DMC1: variants seen among roughly 807,000 people sequenced by gnomAD.
DMC1 encodes the protein meiotic recombination protein DMC1 homolog.
In DMC1, 27 loss-of-function variants were observed where a neutral mutation model predicts 50.1. The observed-to-expected ratio is 0.54, with a 90% CI of 0.40 to 0.74. The LOEUF (loss-of-function observed/expected upper bound fraction) is 0.74, where lower values mean the gene tolerates loss of function less well. Among genes scored for constraint, DMC1 ranks in the 30% least tolerant of loss-of-function variants. DMC1 has a pLI of 0.00. For synonymous variants in DMC1, 148 were observed against 136.1 expected (o/e 1.09, Z -0.61); for missense variants, 295 against 420.2 (o/e 0.70, Z 2.60).
At chr22:38,551,018 G>A (rs180671051) in intron 7 of DMC1, among the ~76,000 whole-genome samples, 15 of 150,884 alleles carry the variant, frequency 9.9e-5, no homozygotes, top group Admixed American at 2.6e-4. Context: ...CCGAGTGGGC[G>A]GATCATGAGG....
At chr22:38,512,855 G>A in the DMC1 span, among the ~76,000 whole-genome samples, 31 of 152,168 alleles carry the variant, frequency 2.0e-4, no homozygotes, top group Non-Finnish European at 4.1e-4. Flanking sequence ...AGGCCAAGGC[G>A]GGTGGATCAC....
At chr22:38,528,027 C>T (rs1254273571) in intron 12 of DMC1, among the ~76,000 whole-genome samples, 1 of 151,650 alleles carries the variant, frequency 6.6e-6, no homozygotes, top group African/African-American at 2.4e-5. Context: ...AAAGACTTTA[C>T]CTCTTAGGGC....
chr22:38,534,993 T>C (rs2090194646), intron 12 of DMC1, among the ~76,000 whole-genome samples: 1 of 141,806 alleles, frequency 7.1e-6, no homozygotes, highest in Non-Finnish European at 1.5e-5. Context: ...GAAACAAGAG[T>C]GAAACTCCAT....
intron 5 of DMC1, among the ~76,000 whole-genome samples, chr22:38,561,089 A>G (rs894385671): frequency 2.6e-5 from 4 of 151,798 alleles, no homozygotes; most frequent in African/African-American, 9.7e-5. Flanking sequence ...CCTCAACCTC[A>G]ACCTCCTGGG....
At chr22:38,517,313 A>G (rs1006688306), downstream of DMC1, among the ~76,000 whole-genome samples, 14 of 152,202 alleles carry the variant, frequency 9.2e-5, no homozygotes, top group Admixed American at 3.9e-4. Context: ...TCACGCCTGT[A>G]ATCCTAGCAT....
intron 7 of DMC1, 136 bp from the exon 8 acceptor site, chr22:38,550,133 C>A: frequency 1.5e-6 from 1 of 658,132 alleles, no homozygotes; most frequent in South Asian, 1.9e-5. Flanking sequence ...CGTTTCTAAA[C>A]AACATGTTAT....
intron 12 of DMC1, among the ~76,000 whole-genome samples, chr22:38,531,512 A>G (rs1330646374): frequency 1.3e-5 from 2 of 152,192 alleles, no homozygotes; most frequent in Non-Finnish European, 2.9e-5. Context: ...GAGTTTCTCA[A>G]CACTGAGAAA....
At chr22:38,562,175 T>G in intron 5 of DMC1, 112 bp downstream of exon 5, 1 of 744,692 alleles carries the variant, frequency 1.3e-6, no homozygotes, top group Non-Finnish European at 2.3e-6. Context: ...AACCCAAACT[T>G]CAAATGAAGA....
the DMC1 span, among the ~76,000 whole-genome samples, chr22:38,510,324 G>A: frequency 6.6e-6 from 1 of 152,030 alleles, no homozygotes; most frequent in South Asian, 2.1e-4. Flanking sequence ...GTGTGATGGT[G>A]GGCGCCTGTA....
chr22:38,511,124 A>AC, the DMC1 span, among the ~76,000 whole-genome samples: 1 of 151,332 alleles, frequency 6.6e-6, no homozygotes, highest in African/African-American at 2.4e-5. Context: ...ACAGACTGAG[A>AC]CCCCATCTGT....
At chr22:38,540,481 C>A (rs1423532845) in intron 8 of DMC1, among the ~76,000 whole-genome samples, 3 of 152,074 alleles carry the variant, frequency 2.0e-5, no homozygotes, top group African/African-American at 7.2e-5. Context: ...TTTTTTAGGT[C>A]TTTGGTGATC....
At position 38,520,019 on chromosome 22, in the gene DMC1, C is replaced by T. The variant is rs748197274; in HGVS notation, c.*1G>A. 5.6e-6 allele frequency: 9 copies of T among 1,613,432 alleles called. No individual in the cohort carries two copies. The South Asian group carries it at 7.7e-5, about 14-fold the overall frequency. The stretch of plus-strand genomic sequence containing the variant: ...AGAAGCAATTTGCATCAATTCACCA[C>T]CTACTCCTTGGCATCCCCAATTCCT... On this transcript the variant is annotated 3_prime_UTR_variant, in exon 14 of 14. Transcript: ENST00000216024.
chr22:38,567,823 T>G (rs1401661579), intron 2 of DMC1, among the ~76,000 whole-genome samples, 196 bp from the exon 3 acceptor site: 1 of 152,222 alleles, frequency 6.6e-6, no homozygotes, highest in Non-Finnish European at 1.5e-5. Flanking sequence ...GGGAAGCCAG[T>G]TACCTTTGTC....
intron 12 of DMC1, among the ~76,000 whole-genome samples, chr22:38,532,244 C>T (rs773198245): frequency 6.6e-6 from 1 of 151,968 alleles, no homozygotes; most frequent in Non-Finnish European, 1.5e-5. Flanking sequence ...AACCACTCAG[C>T]GACTATACTA....
At chr22:38,549,809 C>T in intron 8 of DMC1, 116 bp downstream of exon 8, 1 of 760,222 alleles carries the variant, frequency 1.3e-6, no homozygotes, top group Non-Finnish European at 2.2e-6. Flanking sequence ...TTTGGTTTGT[C>T]TCATTACTAC....
At chr22:38,515,156 G>A (rs1187461922), downstream of DMC1, among the ~76,000 whole-genome samples, 3 of 150,864 alleles carry the variant, frequency 2.0e-5, no homozygotes, top group Non-Finnish European at 3.0e-5. Context: ...GTGAGCCACT[G>A]TGCCTAGCCT....
the DMC1 span, among the ~76,000 whole-genome samples, chr22:38,513,532 A>G: frequency 2.0e-5 from 3 of 152,216 alleles, no homozygotes; most frequent in African/African-American, 7.2e-5. Context: ...ATGATGAAAG[A>G]TATCCCTTGT....
chr22:38,532,375 T>G (rs1458396804), intron 12 of DMC1, among the ~76,000 whole-genome samples: 1 of 150,598 alleles, frequency 6.6e-6, no homozygotes, highest in Non-Finnish European at 1.5e-5. Flanking sequence ...CAGGCTGGAG[T>G]GCAGGGGTGT....
At chr22:38,525,543 G>C (rs1602714652) in intron 12 of DMC1, among the ~76,000 whole-genome samples, 1 of 152,144 alleles carries the variant, frequency 6.6e-6, no homozygotes, top group South Asian at 2.1e-4. Flanking sequence ...CATTACTGTA[G>C]GTGAAGAGCC....
Sources: gnomAD v4.1 joint callset for allele counts (sites outside exome capture counted in the v4.1 genomes callset) on GRCh38, gnomAD v4.1.1 for gene constraint, MANE v1.5 for transcripts, NCBI Gene and HGNC (gene_info 2026-07-23, HGNC 2026-07-21) for gene names.